TGFBRAP1: variants seen among roughly 807,000 people sequenced by gnomAD.
TGFBRAP1 encodes transforming growth factor-beta receptor-associated protein 1.
Under a neutral mutation model 83.2 loss-of-function variants are expected in TGFBRAP1, and 20 were observed. That is an observed-to-expected ratio of 0.24 (90% CI 0.17 to 0.35). The LOEUF (loss-of-function observed/expected upper bound fraction) is 0.35, where lower values mean the gene tolerates loss of function less well. Among genes scored for constraint, TGFBRAP1 ranks in the 10% least tolerant of loss-of-function variants. The pLI, the probability that TGFBRAP1 is intolerant of heterozygous loss-of-function variation, is 1.00. For missense variants in TGFBRAP1, 950 were observed against 1,099.4 expected (o/e 0.86, Z 1.92); for synonymous variants, 415 against 459.8 (o/e 0.90, Z 1.25).
rs916561611 is a variant in TGFBRAP1 at position 105,298,383 on chromosome 2, G to C, written c.883+128C>G. On this transcript the variant is annotated intron_variant, in intron 3 of 11. Transcript: ENST00000393359. ...AACTGTGCAGCCCCTGAAGCACAGA[G>C]ACTGTATTGGAGTCATCTGTGTATC... The C allele has an allele frequency of 8.7e-6, 8 of 917,700 alleles. No individual in the cohort carries two copies. In the African/African-American group the frequency reaches 1.4e-4, roughly 15 times the overall value. The allele number at this position is 917,700 out of a possible 1,614,324, so 56.8% of individuals were successfully genotyped here.
intron 3 of TGFBRAP1, 141 bp from the exon 4 acceptor site, chr2:105,296,651 T>C: frequency 1.1e-6 from 1 of 903,728 alleles, no homozygotes. Context: ...CTACAAAAAT[T>C]ATAAATTATA....
chr2:105,323,214 C>G (rs575549267), intron 1 of TGFBRAP1, among the ~76,000 whole-genome samples: 2 of 152,142 alleles, frequency 1.3e-5, no homozygotes, highest in South Asian at 4.2e-4. Context: ...TCTTGTGACG[C>G]CTGGATGAGG....
chr2:105,252,733 G>A, the TGFBRAP1 span, among the ~76,000 whole-genome samples: 2 of 149,732 alleles, frequency 1.3e-5, no homozygotes, highest in Non-Finnish European at 3.0e-5. Context: ...TTCCTGTGAT[G>A]TGAGATGATA....
chr2:105,277,545 TTAAG>T, intron 7 of TGFBRAP1, 65 bp downstream of exon 7: 4 of 1,509,458 alleles, frequency 2.6e-6, no homozygotes, highest in Non-Finnish European at 3.7e-6. Flanking sequence ...TGAATTTTTT[TTAAG>T]TAACACTAAG....
Position 105,269,401 on chromosome 2 carries a change from G to A in TGFBRAP1, c.2277C>T (p.Asp759=), listed in dbSNP as rs1314495134. The part of the protein sequence containing the change: ...DAAQVLQMLP[D]TWSVQLLCPF... The stretch of plus-strand genomic sequence containing the variant: ...GGCAGAGGAGCTGCACTGACCAGGT[G>A]TCAGGCAGCATCTGCAGCACCTGGG... The change falls in exon 11 of 12, where the codon GAC becomes GAT. Residue 759 remains aspartate (D), a synonymous_variant. Transcript: ENST00000393359. This position sits in a 1 kb window ranked among gnomAD's most constrained non-coding sequence, Gnocchi z 4.1. 6.2e-7 allele frequency: 1 copy of A among 1,614,058 alleles called. No homozygotes were observed. Among genetic ancestry groups the A allele is most frequent in the Non-Finnish European group, 8.5e-7 (1 of 1,180,018 alleles).
chr2:105,324,765 G>A (rs981933962), intron 1 of TGFBRAP1, among the ~76,000 whole-genome samples: 4 of 152,150 alleles, frequency 2.6e-5, no homozygotes, highest in African/African-American at 7.2e-5. Flanking sequence ...TTTGGGAGAA[G>A]CAGTTAAGTG....
At chr2:105,315,489 C>T (rs572168782) in intron 1 of TGFBRAP1, among the ~76,000 whole-genome samples, 10 of 152,126 alleles carry the variant, frequency 6.6e-5, no homozygotes, top group Non-Finnish European at 1.5e-4. Context: ...CGACTCATAT[C>T]CAGAATATAG....
At chr2:105,279,612 T>G (rs572473302) in intron 6 of TGFBRAP1, among the ~76,000 whole-genome samples, 1 of 152,058 alleles carries the variant, frequency 6.6e-6, no homozygotes, top group South Asian at 2.1e-4. Context: ...TCAAGAAGCC[T>G]CCCTTTGAAT....
In TGFBRAP1 at chr2:105,296,274, G is replaced by A; in HGVS notation, c.1038+82C>T. 2.6e-6 allele frequency: 4 copies of A among 1,539,178 alleles called. No homozygotes were observed. The South Asian group carries it at 3.5e-5, about 13-fold the overall frequency. On this transcript the variant is annotated intron_variant, in intron 4 of 11. Coordinates refer to ENST00000393359, the MANE Select transcript of TGFBRAP1 (RefSeq NM_004257.6). ...GTGTGTACAGCCCGGTACACAGGAA[G>A]GGCCGATGCATGTTAGTTAAATCTG...
At chr2:105,271,464 G>A (rs1032030490) in intron 10 of TGFBRAP1, among the ~76,000 whole-genome samples, 22 of 152,164 alleles carry the variant, frequency 1.4e-4, no homozygotes, top group Non-Finnish European at 2.9e-4. Flanking sequence ...ACAGCGGATC[G>A]CCACAGAAAG....
chr2:105,263,640 G>A (rs1269744688), downstream of TGFBRAP1, among the ~76,000 whole-genome samples: 3 of 152,184 alleles, frequency 2.0e-5, no homozygotes, highest in African/African-American at 4.8e-5. Flanking sequence ...CATTTTAGGA[G>A]GCCAAGGCAG....
Position 105,284,238 on chromosome 2 carries a change from G to A in TGFBRAP1, c.1121+78C>T, listed in dbSNP as rs554726928. On this transcript the variant is annotated intron_variant, in intron 5 of 11. Transcript: ENST00000393359. Reference sequence around the variant, plus strand: ...CTAACCATGCAACACATCCCACCGCGACGTCACACCAGAAACGCAGGTTCT... The same window carrying A: ...CTAACCATGCAACACATCCCACCGCAACGTCACACCAGAAACGCAGGTTCT... 80 of 1,374,218 alleles carry A rather than the reference G, an allele frequency of 5.8e-5. 2 individuals are homozygous for A. In the African/African-American group the frequency reaches 7.1e-4, roughly 12 times the overall value. The allele number at this position is 1,374,218 out of a possible 1,614,324, so 85.1% of individuals were successfully genotyped here. A position where few individuals can be genotyped will look rare whatever the true frequency, so the allele number is the denominator to read the frequency against.
intron 1 of TGFBRAP1, among the ~76,000 whole-genome samples, chr2:105,318,275 C>T (rs1326323072): frequency 6.6e-6 from 1 of 152,184 alleles, no homozygotes; most frequent in African/African-American, 2.4e-5. Context: ...AAGGATGAAT[C>T]TTAAGAGAAT....
At chr2:105,294,071 C>T (rs1490367052) in intron 4 of TGFBRAP1, among the ~76,000 whole-genome samples, 1 of 152,190 alleles carries the variant, frequency 6.6e-6, no homozygotes, top group Non-Finnish European at 1.5e-5. Flanking sequence ...AAGCGCCAGC[C>T]TGACTTAGCC....
chr2:105,296,387 G>A lies in TGFBRAP1; in HGVS notation c.1007C>T (p.Ala336Val), dbSNP rs772009140. 2 of 1,613,680 alleles carry A rather than the reference G, an allele frequency of 1.2e-6. No homozygotes were observed. Among genetic ancestry groups the A allele is most frequent in the Non-Finnish European group, 8.5e-7 (1 of 1,179,930 alleles). ...TTTTTCCTTTGGAATGTTCCTCCGGGCTCCTTTTGCTAAAACCAAAGCCTC... is the reference window on the plus strand; with the variant it reads ...TTTTTCCTTTGGAATGTTCCTCCGGACTCCTTTTGCTAAAACCAAAGCCTC... ...VEEALVLAKG[A>V]RRNIPKEKFQ... is the part of the protein sequence containing the mutation. Residue 336 changes from alanine to valine, a missense_variant, in exon 4 of 12, where the codon GCC (alanine) becomes GTC (valine). Coordinates refer to ENST00000393359, the MANE Select transcript of TGFBRAP1 (RefSeq NM_004257.6).
intron 4 of TGFBRAP1, among the ~76,000 whole-genome samples, chr2:105,295,540 C>T (rs1277264648): frequency 6.6e-6 from 1 of 151,998 alleles, no homozygotes; most frequent in African/African-American, 2.4e-5. Context: ...TGGCCGGGCA[C>T]GGTGGCTCAC....
rs115871291 is a variant in TGFBRAP1, at chr2:105,326,832, C to T, written c.-18+2793G>A. Among the ~76,000 whole-genome samples, 716 of 152,286 alleles carry T rather than the reference C, an allele frequency of 4.7e-3. 3 individuals carry two copies. The highest frequency in any genetic ancestry group is 0.016 in the African/African-American group (678 of 41,546). On this transcript the variant is annotated intron_variant, in intron 1 of 11. Coordinates refer to ENST00000393359, the MANE Select transcript of TGFBRAP1 (RefSeq NM_004257.6). ...TTCCTTAAATCTTTAACTTTTTCAA[C>T]AGCAGTTACTTGACTATCAAGAAAA...
chr2:105,258,301 G>A, the TGFBRAP1 span, among the ~76,000 whole-genome samples: 1 of 152,092 alleles, frequency 6.6e-6, no homozygotes, highest in Non-Finnish European at 1.5e-5. Context: ...CTGGGCCACG[G>A]GATGCCCAGA....
Position 105,284,372 on chromosome 2 carries a change from C to G in TGFBRAP1, c.1065G>C (p.Gln355His). The G allele has an allele frequency of 6.2e-7, 1 of 1,614,102 alleles. No individual in the cohort carries two copies. The highest frequency in any genetic ancestry group is 8.5e-7 in the Non-Finnish European group (1 of 1,179,976). ...FQVMYRRILQ[Q>H]AGFIQFAQLQ... is the part of the protein sequence containing the mutation. ...GTTGTGCAAACTGTATAAATCCCGCCTGCTGCAGAATCCTTCTGTACATTA... is the reference window on the plus strand; with the variant it reads ...GTTGTGCAAACTGTATAAATCCCGCGTGCTGCAGAATCCTTCTGTACATTA... The change falls in exon 5 of 12, where the codon CAG becomes CAC. Residue 355 changes from glutamine (Q) to histidine (H), a missense_variant. Coordinates refer to ENST00000393359, the MANE Select transcript of TGFBRAP1 (RefSeq NM_004257.6).
Sources: allele counts gnomAD v4.1 joint callset (sites outside exome capture counted in the v4.1 genomes callset), GRCh38; gene constraint gnomAD v4.1.1; non-coding constraint Gnocchi (gnomAD v3.1); transcripts MANE v1.5; gene names NCBI Gene and HGNC (gene_info 2026-07-23, HGNC 2026-07-21).